Variants in RELL1 observed in about 807,000 individuals in gnomAD.
RELL1 encodes RELT-like protein 1.
RELL1 carries 10 observed loss-of-function variants against 23.0 expected under a neutral mutation model. The ratio of observed to expected loss-of-function variants is 0.43; its 90% confidence interval spans 0.27 to 0.74. The LOEUF (loss-of-function observed/expected upper bound fraction) is 0.74. Ranked by LOEUF, RELL1 falls within the 30% of genes least tolerant of loss-of-function variation. The pLI, the probability that RELL1 is intolerant of heterozygous loss-of-function variation, is 0.19. For synonymous variants in RELL1, 146 were observed against 146.8 expected (o/e 0.99, Z 0.04); for missense variants, 315 against 364.4 (o/e 0.86, Z 1.10).
chr4:37,679,974 C>A (rs1197225484), intron 1 of RELL1, among the ~76,000 whole-genome samples: 2 of 152,002 alleles, frequency 1.3e-5, no homozygotes, highest in Admixed American at 6.6e-5. Flanking sequence ...AAAAACCTCA[C>A]ATTAGTTCAA....
Position 37,675,706 on chromosome 4 carries a change from T to C in RELL1, c.88+10494A>G, listed in dbSNP as rs1288750137. On this transcript the variant is annotated intron_variant, in intron 1 of 6. Coordinates refer to ENST00000454158, the MANE Select transcript of RELL1 (RefSeq NM_001085400.2). ...CCTAGGAAATGTTTCCTGGAAATGC[T>C]ATCCTTGATCTCAGCTTGAAGGATG... Among the ~76,000 whole-genome samples, 4 of 152,218 alleles carry C rather than the reference T, an allele frequency of 2.6e-5. No individual in the cohort carries two copies. In the East Asian group the frequency reaches 7.7e-4, roughly 29 times the overall value.
At chr4:37,649,028 T>C (rs1045898265) in intron 2 of RELL1, among the ~76,000 whole-genome samples, 6 of 152,224 alleles carry the variant, frequency 3.9e-5, no homozygotes, top group African/African-American at 1.4e-4. Flanking sequence ...ATGGCAGAGA[T>C]TCAGAGCACA....
At chr4:37,683,784 A>G (rs1034583370) in intron 1 of RELL1, among the ~76,000 whole-genome samples, 3 of 144,194 alleles carry the variant, frequency 2.1e-5, no homozygotes, top group African/African-American at 7.8e-5. Context: ...AAAAATAAAT[A>G]AACAAATAAA....
intron 1 of RELL1, among the ~76,000 whole-genome samples, chr4:37,657,950 A>G (rs1577595262): frequency 1.3e-5 from 2 of 152,196 alleles, no homozygotes; most frequent in South Asian, 4.2e-4. Context: ...CACACTAAAC[A>G]TAAAAAGCAA....
At chr4:37,677,597 T>C (rs946900205) in intron 1 of RELL1, among the ~76,000 whole-genome samples, 2 of 152,216 alleles carry the variant, frequency 1.3e-5, no homozygotes, top group Admixed American at 6.5e-5. Flanking sequence ...AATAAACCAA[T>C]TGGTGAATCT....
chr4:37,665,408 GCAGCACATT>G (rs1721499885), intron 1 of RELL1: 1 of 424,532 alleles, frequency 2.4e-6, no homozygotes, highest in South Asian at 1.7e-5. Flanking sequence ...GCTATAAATA[GCAGCACATT>G]CCTAAACCCA....
chr4:37,686,357 A>T lies in RELL1; in HGVS notation c.-70T>A. The T allele has an allele frequency of 6.4e-6, 8 of 1,256,948 alleles. No individual in the cohort carries two copies. The highest frequency in any genetic ancestry group is 7.3e-6 in the Non-Finnish European group (7 of 953,754). The allele number at this position is 1,256,948 out of a possible 1,614,324, so 77.9% of individuals were successfully genotyped here. A position where few individuals can be genotyped will look rare whatever the true frequency, so the allele number is the denominator to read the frequency against. On this transcript the variant is annotated 5_prime_UTR_variant, in exon 1 of 7. Transcript: ENST00000454158. ...GCTCGGGAAGGCAGAGCCGCTCCGG[A>T]GCCGGCGGGCTGATCGAGTGGCTGG...
rs1032068617 is a variant in RELL1, at chr4:37,612,185, A to T, written c.*1161T>A. On this transcript the variant is annotated 3_prime_UTR_variant, in exon 7 of 7. Transcript: ENST00000454158. ...GAGCGAGACTCCGCCTCAAAAAAAAAAAAAAAAAAAAAAAAAGAGAGAAGC... is the reference window on the plus strand; with the variant it reads ...GAGCGAGACTCCGCCTCAAAAAAAATAAAAAAAAAAAAAAAAGAGAGAAGC... Among the ~76,000 whole-genome samples, 10 of 146,750 alleles carry T rather than the reference A, an allele frequency of 6.8e-5. 1 individual carries two copies. The highest frequency in any genetic ancestry group is 3.3e-4 in the Admixed American group (5 of 14,994).
chr4:37,600,764 T>G (rs1472706499), intron 6 of RELL1, among the ~76,000 whole-genome samples: 2 of 138,630 alleles, frequency 1.4e-5, no homozygotes, highest in Non-Finnish European at 3.1e-5. Context: ...TGGGTTTTAT[T>G]TAGTATGGAT....
chr4:37,626,173 G>A (rs535418452), intron 6 of RELL1, among the ~76,000 whole-genome samples: 1 of 152,214 alleles, frequency 6.6e-6, no homozygotes, highest in South Asian at 2.1e-4. Context: ...CAGTACGCAG[G>A]TCACTAACAA....
downstream of RELL1, among the ~76,000 whole-genome samples, chr4:37,606,660 C>T (rs1719230585): frequency 1.3e-5 from 2 of 152,332 alleles, no homozygotes; most frequent in South Asian, 4.1e-4. This position sits in a 1 kb window ranked among gnomAD's most constrained non-coding sequence, Gnocchi z 4.1. Flanking sequence ...CCAGAGATAT[C>T]AGAAGGAATC....
At chr4:37,594,390 G>T (rs1436157841) in intron 6 of RELL1, among the ~76,000 whole-genome samples, 1 of 152,178 alleles carries the variant, frequency 6.6e-6, no homozygotes, top group African/African-American at 2.4e-5. Context: ...AATGCACTCT[G>T]ATTGGAAGGC....
intron 4 of RELL1, among the ~76,000 whole-genome samples, chr4:37,637,137 G>A (rs1033372711): frequency 1.3e-5 from 2 of 152,186 alleles, no homozygotes; most frequent in African/African-American, 2.4e-5. Context: ...AAAGATGACT[G>A]AGACAAAGAC....
intron 1 of RELL1, among the ~76,000 whole-genome samples, chr4:37,680,888 C>T (rs1318164766): frequency 2.0e-5 from 3 of 146,816 alleles, no homozygotes; most frequent in African/African-American, 5.1e-5. Flanking sequence ...GCTGAGATCG[C>T]GCCGCTGCAC....
intron 1 of RELL1, among the ~76,000 whole-genome samples, chr4:37,652,733 A>G (rs973773795): frequency 3.9e-5 from 6 of 152,236 alleles, no homozygotes; most frequent in African/African-American, 1.4e-4. Context: ...CCTAACAAAC[A>G]CTAAATATCT....
intron 6 of RELL1, among the ~76,000 whole-genome samples, chr4:37,594,344 CA>C (rs1266968049): frequency 6.6e-6 from 1 of 152,158 alleles, no homozygotes; most frequent in Non-Finnish European, 1.5e-5. Flanking sequence ...TGAAAATAGC[CA>C]ACCTTTTCAA....
At chr4:37,684,736 T>C (rs1207811446) in intron 1 of RELL1, among the ~76,000 whole-genome samples, 1 of 152,168 alleles carries the variant, frequency 6.6e-6, no homozygotes, top group African/African-American at 2.4e-5. Flanking sequence ...GAGGATCACT[T>C]GAGGTCGGGA....
At chr4:37,619,977 T>A (rs1012290955) in intron 6 of RELL1, among the ~76,000 whole-genome samples, 5 of 152,202 alleles carry the variant, frequency 3.3e-5, no homozygotes, top group African/African-American at 1.2e-4. Flanking sequence ...AAGTTGGGCA[T>A]TTTTTATGTT....
chr4:37,679,772 T>A (rs1055248404), intron 1 of RELL1, among the ~76,000 whole-genome samples: 1 of 152,012 alleles, frequency 6.6e-6, no homozygotes, highest in Admixed American at 6.6e-5. Flanking sequence ...CTGGCCAATA[T>A]GGTGAAACCC....
Sources: gnomAD v4.1 joint callset for allele counts (sites outside exome capture counted in the v4.1 genomes callset) on GRCh38, gnomAD v4.1.1 for gene constraint, Gnocchi (gnomAD v3.1) non-coding constraint, MANE v1.5 for transcripts, NCBI Gene and HGNC (gene_info 2026-07-23, HGNC 2026-07-21) for gene names.